Variants in FAM107B observed in about 807,000 individuals in gnomAD.
FAM107B encodes protein FAM107B.
FAM107B carries 21 observed loss-of-function variants against 31.5 expected under a neutral mutation model. The ratio of observed to expected loss-of-function variants is 0.67; its 90% CI spans 0.47 to 0.96. The LOEUF (loss-of-function observed/expected upper bound fraction) is 0.96. Among genes scored for constraint, FAM107B ranks in the 40% least tolerant of loss-of-function variants. The pLI is 0.00. For synonymous variants in FAM107B, 157 were observed against 141.5 expected (o/e 1.11, Z -0.78); for missense variants, 452 against 377.1 (o/e 1.20, Z -1.64).
intron 2 of FAM107B, among the ~76,000 whole-genome samples, chr10:14,625,535 G>C (rs1196089049): frequency 6.6e-6 from 1 of 152,134 alleles, no homozygotes; most frequent in African/African-American, 2.4e-5. Flanking sequence ...TAAGAACAGG[G>C]AAACAGGAGG....
chr10:14,636,327 G>A (rs184275864), intron 2 of FAM107B, among the ~76,000 whole-genome samples: 5,130 of 146,996 alleles, frequency 0.035, 102 homozygotes, highest in Middle Eastern at 0.061. Context: ...GAGAGCAAGT[G>A]AGAGAGAGAG....
chr10:14,560,350 A>G lies in FAM107B; in HGVS notation c.470-29835T>C, dbSNP rs139131607. ...TAAAAACTAAACCAAGATACATAAC[A>G]TATGAGTGTCACATATCGCATGCTA... On this transcript the variant is annotated intron_variant, in intron 2 of 4. Transcript: ENST00000181796. Among the ~76,000 whole-genome samples the G allele has an allele frequency of 2.8e-4, 42 of 152,364 alleles. No homozygotes were observed. In the East Asian group the frequency reaches 7.9e-3, roughly 29 times the overall value.
intron 1 of FAM107B, among the ~76,000 whole-genome samples, chr10:14,700,923 C>A (rs1426371382): frequency 6.6e-6 from 1 of 151,796 alleles, no homozygotes; most frequent in Non-Finnish European, 1.5e-5. Context: ...CATCACACCT[C>A]ACCCCACATG....
chr10:14,599,623 T>TGA (rs1852304292), intron 2 of FAM107B, among the ~76,000 whole-genome samples: 1 of 152,128 alleles, frequency 6.6e-6, no homozygotes. Flanking sequence ...GGCAACATAG[T>TGA]GAGACCCCAT....
At chr10:14,719,091 T>G (rs1392156557) in intron 1 of FAM107B, among the ~76,000 whole-genome samples, 1 of 152,132 alleles carries the variant, frequency 6.6e-6, no homozygotes, top group Admixed American at 6.5e-5. Flanking sequence ...ACTTAGCTAG[T>G]GGTAGGAGGG....
At chr10:14,564,089 T>C (rs565665964) in intron 2 of FAM107B, among the ~76,000 whole-genome samples, 3 of 152,320 alleles carry the variant, frequency 2.0e-5, no homozygotes, top group East Asian at 1.9e-4. Flanking sequence ...ATTTTTAACA[T>C]AGTAAAATAT....
chr10:14,549,838 A>G (rs1380590442), intron 2 of FAM107B, among the ~76,000 whole-genome samples: 1 of 152,208 alleles, frequency 6.6e-6, no homozygotes, highest in African/African-American at 2.4e-5. Flanking sequence ...AGACACAGGA[A>G]AACTTAAAAG....
chr10:14,681,599 A>G (rs1314059288), intron 1 of FAM107B, among the ~76,000 whole-genome samples: 1 of 152,162 alleles, frequency 6.6e-6, no homozygotes, highest in Non-Finnish European at 1.5e-5. Flanking sequence ...CCGCACCCAG[A>G]GGAATGAGGG....
At chr10:14,694,083 A>C (rs921593021) in intron 1 of FAM107B, among the ~76,000 whole-genome samples, 5 of 152,166 alleles carry the variant, frequency 3.3e-5, no homozygotes, top group Admixed American at 6.5e-5. Flanking sequence ...ATTCCGCTGT[A>C]TGTATATACC....
At chr10:14,539,492 A>C (rs996922368) in intron 2 of FAM107B, among the ~76,000 whole-genome samples, 29 of 152,328 alleles carry the variant, frequency 1.9e-4, no homozygotes, top group Admixed American at 3.9e-4. Flanking sequence ...CAAAGTTAAA[A>C]AAAAACAAAG....
chr10:14,756,845 ATCATG>A (rs1244103719), intron 1 of FAM107B, among the ~76,000 whole-genome samples: 1 of 152,204 alleles, frequency 6.6e-6, no homozygotes, highest in Non-Finnish European at 1.5e-5. Flanking sequence ...AAGAAACGAG[ATCATG>A]TCATTTGCAG....
Position 14,572,723 on chromosome 10 carries a change from A to C in FAM107B, c.470-42208T>G, listed in dbSNP as rs1031995500. Among the ~76,000 whole-genome samples the C allele has an allele frequency of 2.3e-3, 245 of 104,838 alleles. 2 individuals are homozygous for C. The highest frequency in any genetic ancestry group is 8.7e-3 in the African/African-American group (229 of 26,230). 68.8% of individuals were successfully genotyped at this position (104,838 alleles called of 152,430 possible). Reference sequence around the variant, plus strand: ...GGTAACACAGAGACCCCATCTCTTCAAAAAAAAAAAAAAATTTATATATAT... The same window carrying C: ...GGTAACACAGAGACCCCATCTCTTCCAAAAAAAAAAAAAATTTATATATAT... On this transcript the variant is annotated intron_variant, in intron 2 of 4. Coordinates refer to ENST00000181796, the MANE Select transcript of FAM107B (RefSeq NM_031453.4).
chr10:14,548,564 C>T (rs2131040488), intron 2 of FAM107B: 3 of 985,414 alleles, frequency 3.0e-6, no homozygotes, highest in Non-Finnish European at 3.6e-6. Context: ...CCTAGCCCTG[C>T]CTCAGCTGCC....
chr10:14,587,605 A>C (rs915600379), intron 2 of FAM107B, among the ~76,000 whole-genome samples: 2 of 152,248 alleles, frequency 1.3e-5, no homozygotes, highest in Non-Finnish European at 2.9e-5. Context: ...TTAGGATTAC[A>C]TATCTTAAAC....
At chr10:14,566,010 C>T (rs1364981022) in intron 2 of FAM107B, among the ~76,000 whole-genome samples, 2 of 152,190 alleles carry the variant, frequency 1.3e-5, no homozygotes, top group African/African-American at 2.4e-5. Flanking sequence ...GGGCATGGGA[C>T]CTTCACAGCC....
chr10:14,531,760 G>A (rs1250586675), intron 2 of FAM107B, among the ~76,000 whole-genome samples: 1 of 152,154 alleles, frequency 6.6e-6, no homozygotes, highest in African/African-American at 2.4e-5. Context: ...CTTGAAGCCA[G>A]GAGGCAAGAG....
At chr10:14,583,439 C>T (rs564588621) in intron 2 of FAM107B, among the ~76,000 whole-genome samples, 73 of 152,294 alleles carry the variant, frequency 4.8e-4, no homozygotes, top group African/African-American at 1.5e-3. Context: ...CCACAGAACT[C>T]TGAAAACAGG....
At chr10:14,539,167 T>C (rs1487669681) in intron 2 of FAM107B, among the ~76,000 whole-genome samples, 1 of 152,160 alleles carries the variant, frequency 6.6e-6, no homozygotes, top group Non-Finnish European at 1.5e-5. Flanking sequence ...CAAAGAATAA[T>C]GATGAACCCA....
At chr10:14,611,931 A>C (rs1852737155) in intron 2 of FAM107B, among the ~76,000 whole-genome samples, 2 of 152,296 alleles carry the variant, frequency 1.3e-5, no homozygotes, top group Admixed American at 1.3e-4. Context: ...TACATATAAA[A>C]CATTTATATG....
Sources: allele counts gnomAD v4.1 joint callset (sites outside exome capture counted in the v4.1 genomes callset), GRCh38; gene constraint gnomAD v4.1.1; transcripts MANE v1.5; gene names NCBI Gene and HGNC (gene_info 2026-07-23, HGNC 2026-07-21).